Variants in PCCA observed in about 807,000 individuals in gnomAD.
PCCA encodes propionyl-CoA carboxylase alpha chain, mitochondrial.
Under a neutral mutation model 101.3 loss-of-function variants are expected in PCCA, and 74 were observed. That is an observed-to-expected ratio of 0.73 (90% confidence interval 0.61 to 0.89). The LOEUF (loss-of-function observed/expected upper bound fraction) is 0.89. Ranked by LOEUF, PCCA falls within the 40% of genes least tolerant of loss-of-function variation. PCCA has a pLI of 0.00. For missense variants in PCCA, 891 were observed against 907.0 expected (o/e 0.98, Z 0.23); for synonymous variants, 294 against 313.6 (o/e 0.94, Z 0.66).
At chr13:100,104,368 G>A (rs2047559683) in intron 2 of PCCA, 1 of 152,122 alleles carries the variant, frequency 6.6e-6, no homozygotes. Context: ...ATCTCATCTC[G>A]ACCTGTAATC....
chr13:100,369,680 T>TA (rs2075439226), intron 19 of PCCA, among the ~76,000 whole-genome samples: 1 of 152,210 alleles, frequency 6.6e-6, no homozygotes, highest in Non-Finnish European at 1.5e-5. Context: ...AAACGTTAGA[T>TA]ACTGAAAGAT....
chr13:100,310,373 CT>C (rs2152698438), intron 16 of PCCA, among the ~76,000 whole-genome samples: 1 of 152,142 alleles, frequency 6.6e-6, no homozygotes, highest in South Asian at 2.1e-4. Flanking sequence ...GATTTTCTCC[CT>C]TTTTATCTCT....
chr13:100,298,411 C>G (rs922331912), intron 12 of PCCA, among the ~76,000 whole-genome samples: 1 of 152,128 alleles, frequency 6.6e-6, no homozygotes, highest in South Asian at 2.1e-4. Context: ...ATAGAAGTGA[C>G]ACAGAAACCT....
At chr13:100,235,713 G>A (rs1488361333) in intron 7 of PCCA, 129 bp from the exon 8 acceptor site, 1 of 694,046 alleles carries the variant, frequency 1.4e-6, no homozygotes, top group Non-Finnish European at 2.7e-6. Flanking sequence ...TGAATGAAAA[G>A]GGTTAGAAGG....
At chr13:100,202,378 A>G (rs1185135195) in intron 6 of PCCA, among the ~76,000 whole-genome samples, 1 of 151,968 alleles carries the variant, frequency 6.6e-6, no homozygotes, top group Non-Finnish European at 1.5e-5. Flanking sequence ...CTTTCCTTGA[A>G]TTTCTTACTC....
chr13:100,268,680 C>T lies in PCCA; in HGVS notation c.820-9C>T, dbSNP rs1371297395. 1 of 1,597,240 alleles carries T rather than the reference C, an allele frequency of 6.3e-7. No homozygotes were observed. The highest frequency in any genetic ancestry group is 1.7e-5 in the Admixed American group (1 of 59,998). ...TTATATGGTTTTTCAAATGGTATTG[C>T]TCTTTCAGGTTCTAGGTGATAAACA... On this transcript the variant is annotated splice_polypyrimidine_tract_variant and intron_variant, in intron 10 of 23. Transcript: ENST00000376285.
intron 18 of PCCA, among the ~76,000 whole-genome samples, chr13:100,361,913 C>G (rs1387722122): frequency 6.6e-6 from 1 of 152,074 alleles, no homozygotes; most frequent in Admixed American, 6.6e-5. Context: ...GAAGACATAC[C>G]TCTTTAAGGG....
chr13:100,471,691 A>G (rs1216257734), intron 21 of PCCA, among the ~76,000 whole-genome samples: 2 of 152,354 alleles, frequency 1.3e-5, no homozygotes, highest in East Asian at 1.9e-4. Context: ...TAAAAGTTCA[A>G]TTCAATATTG....
rs1165422305 is a variant in PCCA, at chr13:100,185,171, T to TA, written c.469-24160dup. Among the ~76,000 whole-genome samples, 3 of 152,198 alleles carry TA rather than the reference T, an allele frequency of 2.0e-5. No individual in the cohort carries two copies. In the East Asian group the frequency reaches 5.8e-4, roughly 29 times the overall value. ...ATCCCAGGAACACTGTCCTAACTAT[T>TA]ATGGGAATCATTTTCTTGCTTCTCT... is the stretch of plus-strand genomic sequence containing the variant. On this transcript the variant is annotated intron_variant, in intron 6 of 23. Transcript: ENST00000376285.
chr13:100,497,175 T>C (rs547797623), intron 21 of PCCA, among the ~76,000 whole-genome samples: 1 of 152,330 alleles, frequency 6.6e-6, no homozygotes, highest in South Asian at 2.1e-4. Flanking sequence ...AGAAGTTTCA[T>C]CACAGGATGC....
intron 4 of PCCA, among the ~76,000 whole-genome samples, chr13:100,137,188 A>C (rs1046327697): frequency 1.3e-5 from 2 of 152,056 alleles, no homozygotes; most frequent in Admixed American, 6.5e-5. Flanking sequence ...ATTTATTTCT[A>C]ATACTAATTC....
chr13:100,340,071 T>C (rs1182937572), intron 17 of PCCA, 86 bp from the exon 18 acceptor site: 2 of 815,634 alleles, frequency 2.5e-6, no homozygotes, highest in Non-Finnish European at 4.4e-6. Flanking sequence ...AAATACTTGT[T>C]TGAATGACTA....
At chr13:100,452,653 A>AT (rs56930135) in intron 21 of PCCA, among the ~76,000 whole-genome samples, 40,778 of 151,608 alleles carry the variant, frequency 0.27, 6,821 homozygotes, top group African/African-American at 0.48. Context: ...TTATTTATTT[A>AT]TTTTTTTCAT....
In PCCA at chr13:100,474,359, A is replaced by C. The variant is rs186430389; in HGVS notation, c.1899+25054A>C. Among the ~76,000 whole-genome samples, 22 of 152,188 alleles carry C rather than the reference A, an allele frequency of 1.4e-4. No individual in the cohort carries two copies. In the East Asian group the frequency reaches 3.5e-3, roughly 24 times the overall value. On this transcript the variant is annotated intron_variant, in intron 21 of 23. Coordinates refer to ENST00000376285, the MANE Select transcript of PCCA (RefSeq NM_000282.4). ...CTGCTTACTACACATTTTATGTATT[A>C]GCCTTTGGAAGCAAATTCCTTAAGT...
intron 19 of PCCA, among the ~76,000 whole-genome samples, chr13:100,381,314 G>A (rs1387418058): frequency 2.0e-5 from 3 of 151,832 alleles, no homozygotes; most frequent in Non-Finnish European, 2.9e-5. Context: ...GCATGAACCC[G>A]GGAGGTGGAG....
At chr13:100,154,490 T>C (rs1379723567) in intron 4 of PCCA, 2 of 159,530 alleles carry the variant, frequency 1.3e-5, no homozygotes, top group Non-Finnish European at 2.8e-5. Flanking sequence ...TTCTTTCGTC[T>C]TAGGCTTTAA....
intron 16 of PCCA, among the ~76,000 whole-genome samples, chr13:100,322,490 A>G (rs1478288165): frequency 6.6e-6 from 1 of 152,104 alleles, no homozygotes; most frequent in Non-Finnish European, 1.5e-5. Context: ...AATTATATAT[A>G]TGTAACTATT....
chr13:100,384,680 C>G (rs973244916), intron 19 of PCCA, among the ~76,000 whole-genome samples: 3 of 152,026 alleles, frequency 2.0e-5, no homozygotes, highest in Admixed American at 1.3e-4. Context: ...CCTCTATTGT[C>G]AGTTTTTAGG....
chr13:100,263,696 TTCTG>T (rs2062683863), intron 10 of PCCA, among the ~76,000 whole-genome samples: 2 of 152,146 alleles, frequency 1.3e-5, no homozygotes, highest in Non-Finnish European at 2.9e-5. Flanking sequence ...CACAGTTTCT[TTCTG>T]AGGCTAGCAG....
Sources: allele counts gnomAD v4.1 joint callset (sites outside exome capture counted in the v4.1 genomes callset), GRCh38; gene constraint gnomAD v4.1.1; transcripts MANE v1.5; gene names NCBI Gene and HGNC (gene_info 2026-07-23, HGNC 2026-07-21).